Variants in SCN9A observed in about 807,000 individuals in gnomAD.
SCN9A encodes the protein sodium channel protein type 9 subunit alpha.
SCN9A carries 131 observed loss-of-function variants against 187.0 expected under a neutral mutation model. The observed-to-expected ratio is 0.70, with a 90% CI of 0.61 to 0.81. The LOEUF is 0.81. SCN9A is among the 30% of genes least tolerant of loss of function. The pLI is 0.00. For missense variants in SCN9A, 2,252 were observed against 2,396.6 expected, an observed-to-expected ratio of 0.94 and a Z score of 1.26; for synonymous variants, 809 against 808.6, an observed-to-expected ratio of 1.00 and a Z score of -0.01.
intron 24 of SCN9A, among the ~76,000 whole-genome samples, chr2:166,209,441 T>C (rs2106355634): frequency 6.6e-6 from 1 of 152,172 alleles, no homozygotes; most frequent in South Asian, 2.1e-4. Context: ...AGGAAGATGA[T>C]ACATGAACAC....
intron 24 of SCN9A, among the ~76,000 whole-genome samples, chr2:166,205,989 G>GCAAT (rs1329192217): frequency 1.3e-5 from 2 of 152,124 alleles, no homozygotes; most frequent in Non-Finnish European, 2.9e-5. Flanking sequence ...AATTAGAATG[G>GCAAT]CAATCACTAA....
At chr2:166,278,030 A>T (rs1697314649) in intron 15 of SCN9A, 110 bp downstream of exon 15, 1 of 776,240 alleles carries the variant, frequency 1.3e-6, no homozygotes. Flanking sequence ...AGATATCAAG[A>T]TATAATCTTG....
At chr2:166,311,376 A>ATATATT (rs1698948310) in intron 2 of SCN9A, 123 bp downstream of exon 2, 1 of 127,852 alleles carries the variant, frequency 7.8e-6, no homozygotes, top group Non-Finnish European at 1.6e-5. Context: ...ATATATATAT[A>ATATATT]TTTAATTTAA....
chr2:166,326,907 A>G (rs1440199374), intron 1 of SCN9A, among the ~76,000 whole-genome samples: 2 of 152,154 alleles, frequency 1.3e-5, no homozygotes, highest in African/African-American at 4.8e-5. Flanking sequence ...GAACATTCAG[A>G]TAACTAAAGG....
chr2:166,264,545 CGTTT>C (rs1358385445), intron 17 of SCN9A, among the ~76,000 whole-genome samples: 1 of 151,848 alleles, frequency 6.6e-6, no homozygotes, highest in African/African-American at 2.4e-5. Context: ...TTGACTAAAC[CGTTT>C]GTTTTAACTC....
intron 16 of SCN9A, 52 bp from the exon 17 acceptor site, chr2:166,272,927 A>AAAAAT: frequency 1.2e-6 from 1 of 814,552 alleles, no homozygotes; most frequent in South Asian, 3.4e-5. Flanking sequence ...AGGAAATATA[A>AAAAAT]AAAATAAAAT....
intron 17 of SCN9A, among the ~76,000 whole-genome samples, chr2:166,271,751 A>C (rs1241891472): frequency 6.6e-6 from 1 of 151,970 alleles, no homozygotes; most frequent in African/African-American, 2.4e-5. Context: ...CCAGCAACTC[A>C]GGAGGTGGAG....
intron 1 of SCN9A, among the ~76,000 whole-genome samples, chr2:166,370,134 G>A (rs1372830202): frequency 6.6e-6 from 1 of 150,950 alleles, no homozygotes; most frequent in Non-Finnish European, 1.5e-5. Flanking sequence ...AACATATAGT[G>A]TAGGAGCAAC....
At chr2:166,358,507 T>C (rs753248999) in intron 1 of SCN9A, among the ~76,000 whole-genome samples, 16 of 152,232 alleles carry the variant, frequency 1.1e-4, no homozygotes, top group Non-Finnish European at 1.9e-4. Flanking sequence ...ACTTTTTTAA[T>C]AGACTATCAG....
intron 7 of SCN9A, chr2:166,302,736 TA>T (rs1255902335): frequency 2.0e-5 from 3 of 149,128 alleles, no homozygotes; most frequent in African/African-American, 7.3e-5. Context: ...AAGTATGTAC[TA>T]TATAATAAAA....
intron 1 of SCN9A, among the ~76,000 whole-genome samples, chr2:166,342,981 A>G (rs1286805920): frequency 6.6e-6 from 1 of 152,216 alleles, no homozygotes; most frequent in Non-Finnish European, 1.5e-5. Context: ...CATAGAGTGC[A>G]TTGAGTTTTA....
At chr2:166,280,636 C>A in intron 13 of SCN9A, 41 bp from the exon 14 acceptor site, 1 of 1,142,712 alleles carries the variant, frequency 8.8e-7, no homozygotes. Context: ...AGCCATTTGT[C>A]TGTTTCACTC....
chr2:166,272,843 G>C lies in SCN9A; in HGVS notation c.2907C>G (p.Ser969Arg). 6.6e-7 allele frequency: 1 copy of C among 1,503,998 alleles called. No homozygotes were observed. Among genetic ancestry groups the C allele is most frequent in the Non-Finnish European group, 8.9e-7 (1 of 1,128,964 alleles). 93.2% of individuals were successfully genotyped at this position (1,503,998 alleles called of 1,614,324 possible). A position where few individuals can be genotyped will look rare whatever the true frequency, so the allele number is the denominator to read the frequency against. The change falls in exon 17 of 27, where the codon AGC (serine) becomes AGG (arginine). Residue 969 changes from serine (S) to arginine (R), a missense_variant. By Grantham distance (110) the Ser-to-Arg change is moderately radical. Transcript: ENST00000642356. Reference protein sequence around the residue: ...VLNLFLALLLSSFSSDNLTAI... With the variant: ...VLNLFLALLLRSFSSDNLTAI... ...CTGTAAGATTGTCTGAACTAAATGA[G>C]CTCAATAATAAGGCCAGAAATAGGT...
chr2:166,307,116 T>G, intron 2 of SCN9A, 42 bp from the exon 3 acceptor site: 1 of 1,176,106 alleles, frequency 8.5e-7, no homozygotes, highest in Admixed American at 1.8e-5. Context: ...GAATCCAAAA[T>G]ATCAATTTTT....
intron 7 of SCN9A, chr2:166,295,873 A>T (rs1197985036): frequency 6.6e-6 from 1 of 152,058 alleles, no homozygotes; most frequent in Admixed American, 6.6e-5. Flanking sequence ...GTTCTCATCA[A>T]CTCTTCTGTC....
intron 13 of SCN9A, 145 bp from the exon 14 acceptor site, chr2:166,280,740 A>G: frequency 1.6e-6 from 1 of 609,028 alleles, no homozygotes; most frequent in South Asian, 2.1e-5. Flanking sequence ...CAATGAAAGC[A>G]TAGCCTCTTA....
In SCN9A at chr2:166,284,506, T is replaced by A. The variant is rs121908918; in HGVS notation, c.1921A>T (p.Asn641Tyr). The A allele has an allele frequency of 2.5e-5, 40 of 1,613,946 alleles. No individual in the cohort carries two copies. The highest frequency in any genetic ancestry group is 3.4e-5 in the Non-Finnish European group (40 of 1,179,990). The change falls in exon 12 of 27, where the codon AAT (asparagine) becomes TAT (tyrosine). Residue 641 changes from asparagine to tyrosine, a missense_variant. Coordinates refer to ENST00000642356, the MANE Select transcript of SCN9A (RefSeq NM_001365536.1). Reference protein sequence around the residue: ...VDGRSALMLPNGQLLPEVIID... With the variant: ...VDGRSALMLPYGQLLPEVIID... ...ATCACCTCTGGCAGAAGCTGTCCATTGGGGAGCATGAGGGCTGAGCGTCCA... is the reference window on the plus strand; with the variant it reads ...ATCACCTCTGGCAGAAGCTGTCCATAGGGGAGCATGAGGGCTGAGCGTCCA...
chr2:166,360,963 C>G (rs1229817320), intron 1 of SCN9A, among the ~76,000 whole-genome samples: 2 of 152,132 alleles, frequency 1.3e-5, no homozygotes, highest in Admixed American at 1.3e-4. Context: ...AATAGTAAGA[C>G]AGCATAACCC....
In SCN9A at chr2:166,203,961, T is replaced by G. The variant is rs2106345980; in HGVS notation, c.4768A>C (p.Ile1590Leu). The G allele has an allele frequency of 6.4e-7, 1 of 1,561,830 alleles. No homozygotes were observed. The highest frequency in any genetic ancestry group is 8.8e-7 in the Non-Finnish European group (1 of 1,138,258). ...GAAAAATAAATATTCTTACCTACAA[T>G]GGAGATAATCACAACCACAAAATCA... ...IFDFVVVIIS[I>L]VGMFLADLIE... is the part of the protein sequence containing the mutation. Residue 1590 changes from isoleucine (I) to leucine (L), a missense_variant, in exon 26 of 27, where the codon ATT becomes CTT. By Grantham distance (5) the Ile-to-Leu change is conservative. This residue lies in a region of SCN9A where 368 missense variants were observed against 408.6 expected (regional missense o/e 0.90). Transcript: ENST00000642356.
Sources: gnomAD v4.1 joint callset for allele counts (sites outside exome capture counted in the v4.1 genomes callset) on GRCh38, gnomAD v4.1.1 for gene constraint, gnomAD v4.1.1 regional missense constraint, MANE v1.5 for transcripts, NCBI Gene and HGNC (gene_info 2026-07-23, HGNC 2026-07-21) for gene names.